KIF15: variants seen among roughly 807,000 people sequenced by gnomAD.
KIF15 encodes the protein kinesin family member 15.
Under a neutral mutation model 190.6 loss-of-function variants are expected in KIF15, and 140 were observed. The observed-to-expected ratio is 0.73, with a 90% CI of 0.64 to 0.84. The LOEUF (loss-of-function observed/expected upper bound fraction) is 0.84, where lower values mean the gene tolerates loss of function less well. KIF15 is among the 40% of genes least tolerant of loss of function. The probability of loss-of-function intolerance (pLI) is 0.00; values close to 1 mark genes in which losing one functional copy is unlikely to be tolerated. For synonymous variants in KIF15, 528 were observed against 551.3 expected (o/e 0.96, Z 0.59); for missense variants, 1,372 against 1,584.4 (o/e 0.87, Z 2.28).
chr3:44,775,103 A>G, intron 2 of KIF15, 151 bp from the exon 3 acceptor site: 1 of 635,090 alleles, frequency 1.6e-6, no homozygotes, highest in Middle Eastern at 4.4e-4. Context: ...TCCATCTCAA[A>G]AAAAAAAAGA....
At chr3:44,850,213 T>C (rs1699013344) in intron 32 of KIF15, among the ~76,000 whole-genome samples, 1 of 152,210 alleles carries the variant, frequency 6.6e-6, no homozygotes, top group South Asian at 2.1e-4. Flanking sequence ...ATGAAAGATT[T>C]GTTACCCAAT....
At chr3:44,842,364 T>C (rs1698652857) in intron 29 of KIF15, among the ~76,000 whole-genome samples, 1 of 152,160 alleles carries the variant, frequency 6.6e-6, no homozygotes, top group African/African-American at 2.4e-5. Context: ...TGGGTAGGTG[T>C]GTAGGTGCAT....
intron 8 of KIF15, among the ~76,000 whole-genome samples, chr3:44,796,867 A>T (rs1355783159): frequency 6.6e-6 from 1 of 152,116 alleles, no homozygotes; most frequent in Non-Finnish European, 1.5e-5. Flanking sequence ...TTATACCCTT[A>T]AATATTTTAG....
intron 22 of KIF15, among the ~76,000 whole-genome samples, chr3:44,826,818 G>A (rs1400654445): frequency 6.6e-6 from 1 of 152,114 alleles, no homozygotes; most frequent in Non-Finnish European, 1.5e-5. Context: ...TTTCTACCAG[G>A]AATGTCCCCT....
intron 20 of KIF15, among the ~76,000 whole-genome samples, chr3:44,818,913 A>G (rs536205931): frequency 6.6e-6 from 1 of 152,286 alleles, no homozygotes; most frequent in South Asian, 2.1e-4. Context: ...TATGGCCTCA[A>G]TTTCAGAGCC....
At chr3:44,843,092 G>T in intron 29 of KIF15, 33 bp from the exon 30 acceptor site, 1 of 1,540,980 alleles carries the variant, frequency 6.5e-7, no homozygotes, top group Non-Finnish European at 8.9e-7. Context: ...ACTGTAATGT[G>T]TTTTTTGAAA....
intron 8 of KIF15, among the ~76,000 whole-genome samples, chr3:44,796,996 T>G (rs771971495): frequency 1.3e-5 from 2 of 152,014 alleles, no homozygotes; most frequent in Non-Finnish European, 2.9e-5. Flanking sequence ...ACATTAATAT[T>G]TTTTTTCTTT....
chr3:44,833,026 A>G (rs907422657), intron 26 of KIF15, among the ~76,000 whole-genome samples: 3 of 151,362 alleles, frequency 2.0e-5, no homozygotes, highest in South Asian at 4.2e-4. Flanking sequence ...AAAAAAAAAA[A>G]AAGAAGATTA....
At chr3:44,778,291 C>T (rs1375873073) in intron 4 of KIF15, 100 bp downstream of exon 4, 13 of 913,008 alleles carry the variant, frequency 1.4e-5, no homozygotes, top group Admixed American at 5.2e-5. Flanking sequence ...TAAAACAACA[C>T]AAATGTATTA....
chr3:44,868,087 T>C (rs1379675162), intron 6 of KIF15, among the ~76,000 whole-genome samples: 2 of 152,224 alleles, frequency 1.3e-5, no homozygotes, highest in African/African-American at 4.8e-5. Context: ...CCAAAAGAAA[T>C]TCTCATACCC....
chr3:44,761,996 G>A, intron 1 of KIF15, 112 bp downstream of exon 1: 2 of 1,368,028 alleles, frequency 1.5e-6, no homozygotes, highest in South Asian at 1.2e-5. Context: ...AACTGCAGGA[G>A]CTGAGTGACC....
chr3:44,793,902 A>G (rs1280961600), intron 7 of KIF15, among the ~76,000 whole-genome samples: 2 of 131,742 alleles, frequency 1.5e-5, no homozygotes, highest in Non-Finnish European at 3.1e-5. Context: ...TTTTTTTAAG[A>G]TAGGATCTTG....
chr3:44,866,045 G>GT lies in KIF15; in HGVS notation c.*60-7275dup, dbSNP rs939593217. Among the ~76,000 whole-genome samples the GT allele has an allele frequency of 2.8e-4, 42 of 147,488 alleles. 1 individual carries two copies. In the South Asian group the frequency reaches 6.3e-3, roughly 22 times the overall value. Reference sequence around the variant, plus strand: ...CTTTTCTTTCTCAGATTCCCCTTTGGTTTTTTTTTGTTTTTTGTTTTTTTG... The same window carrying GT: ...CTTTTCTTTCTCAGATTCCCCTTTGGTTTTTTTTTTGTTTTTTGTTTTTTTG... On this transcript the variant is annotated intron_variant and NMD_transcript_variant, in intron 6 of 6. Transcript: ENST00000422209.
In KIF15 at chr3:44,805,840, A is replaced by G. The variant is rs779370378; in HGVS notation, c.1830-5A>G. The G allele has an allele frequency of 1.5e-5, 24 of 1,611,136 alleles. No individual in the cohort carries two copies. Among genetic ancestry groups the G allele is most frequent in the African/African-American group, 4.0e-5 (3 of 74,590 alleles). ...TGAAATACTCCGTTTTACAATATCT[A>G]TTAGGAAAAGGCAGCTAGAATTGGA... On this transcript the variant is annotated splice_region_variant and splice_polypyrimidine_tract_variant and intron_variant, in intron 15 of 34. Coordinates refer to ENST00000326047, the MANE Select transcript of KIF15 (RefSeq NM_020242.3).
chr3:44,791,931 C>G (rs1706722944), intron 7 of KIF15, among the ~76,000 whole-genome samples: 1 of 151,928 alleles, frequency 6.6e-6, no homozygotes, highest in African/African-American at 2.4e-5. Context: ...GTTGGTCAGG[C>G]TGGTCTTGAA....
Position 44,847,272 on chromosome 3 carries a change from C to G in KIF15, c.3696-713C>G, listed in dbSNP as rs756166333. 4.6e-5 allele frequency among the ~76,000 whole-genome samples: 7 copies of G among 152,180 alleles called. No homozygotes were observed. In the East Asian group the frequency reaches 1.3e-3, roughly 29 times the overall value. On this transcript the variant is annotated intron_variant, in intron 30 of 34. Coordinates refer to ENST00000326047, the MANE Select transcript of KIF15 (RefSeq NM_020242.3). ...GAGATATTCCTAGAGAAGCCTACAA[C>G]ATTCAGGAAGGTTCTCCAAGGAGGG...
intron 7 of KIF15, among the ~76,000 whole-genome samples, chr3:44,792,016 G>A (rs1264645846): frequency 6.6e-6 from 1 of 152,054 alleles, no homozygotes; most frequent in Non-Finnish European, 1.5e-5. Context: ...ATAGTGCCCG[G>A]CCGCTTTTTT....
Position 44,805,019 on chromosome 3 carries a change from A to T in KIF15, c.1688-8A>T, listed in dbSNP as rs759204634. 26 of 1,592,640 alleles carry T rather than the reference A, an allele frequency of 1.6e-5. No homozygotes were observed. In the Admixed American group the frequency reaches 1.8e-4, roughly 11 times the overall value. The stretch of plus-strand genomic sequence containing the variant: ...AAAAAAAGACTGAGATTGTTTTCTT[A>T]TTAACAGATCAGCAAGGATTTTCAC... On this transcript the variant is annotated splice_region_variant and splice_polypyrimidine_tract_variant and intron_variant, in intron 14 of 34. Coordinates refer to ENST00000326047, the MANE Select transcript of KIF15 (RefSeq NM_020242.3).
At chr3:44,861,814 T>TGCCGGAGCGTGGCGTC (rs1699251230) in intron 6 of KIF15, 2 of 1,253,924 alleles carry the variant, frequency 1.6e-6, no homozygotes, top group Non-Finnish European at 2.2e-6. Context: ...CCAAGGGGCC[T>TGCCGGAGCGTGGCGTC]GCCGGAGCGT....
Sources: allele counts gnomAD v4.1 joint callset (sites outside exome capture counted in the v4.1 genomes callset), GRCh38; gene constraint gnomAD v4.1.1; transcripts MANE v1.5; gene names NCBI Gene and HGNC (gene_info 2026-07-23, HGNC 2026-07-21).